Variants in MAST4 observed in about 807,000 individuals in gnomAD.
MAST4 encodes microtubule-associated serine/threonine-protein kinase 4.
MAST4 carries 89 observed loss-of-function variants against 162.7 expected under a neutral mutation model. The observed-to-expected ratio is 0.55, with a 90% CI of 0.46 to 0.65. The LOEUF (loss-of-function observed/expected upper bound fraction) is 0.65, where lower values mean the gene tolerates loss of function less well. MAST4 is among the 30% of genes least tolerant of loss of function. MAST4 has a pLI of 0.00. For missense variants in MAST4, 3,153 were observed against 3,374.0 expected, an observed-to-expected ratio of 0.93 and a Z score of 1.62; for synonymous variants, 1,479 against 1,361.1, an observed-to-expected ratio of 1.09 and a Z score of -1.91.
In MAST4 at chr5:67,003,131, T is replaced by G. The variant is rs115586841; in HGVS notation, c.675-51273T>G. The stretch of plus-strand genomic sequence containing the variant: ...TCTTTTGCAATACTTAGAAACATTT[T>G]TTAAAAGAAGAGCATGGGGCAAAAA... On this transcript the variant is annotated intron_variant, in intron 4 of 28. Transcript: ENST00000403625. Among the ~76,000 whole-genome samples the G allele has an allele frequency of 2.3e-3, 354 of 152,118 alleles. 2 individuals are homozygous for G. Among genetic ancestry groups the G allele is most frequent in the African/African-American group, 8.2e-3 (340 of 41,502 alleles).
chr5:67,033,048 G>A (rs1235854930), intron 4 of MAST4, among the ~76,000 whole-genome samples: 1 of 151,850 alleles, frequency 6.6e-6, no homozygotes, highest in East Asian at 1.9e-4. Context: ...AAGACTTTCA[G>A]ATTAAGAATG....
At chr5:66,959,342 C>A (rs775293940) in intron 4 of MAST4, 1 of 778,854 alleles carries the variant, frequency 1.3e-6, no homozygotes, top group Non-Finnish European at 2.4e-6. Flanking sequence ...GCATGGCACT[C>A]GCTTTCTGGC....
At chr5:66,838,699 A>G (rs1033532122) in intron 3 of MAST4, among the ~76,000 whole-genome samples, 2 of 152,320 alleles carry the variant, frequency 1.3e-5, no homozygotes, top group Non-Finnish European at 2.9e-5. Context: ...GTGAAGGATG[A>G]ACAGGTACTG....
intron 4 of MAST4, among the ~76,000 whole-genome samples, chr5:67,031,589 C>T (rs539679665): frequency 6.6e-6 from 1 of 152,254 alleles, no homozygotes; most frequent in East Asian, 1.9e-4. Context: ...AAGTTAAACA[C>T]TGAAAAACTG....
chr5:66,788,572 A>C, intron 2 of MAST4, 98 bp from the exon 3 acceptor site: 1 of 1,355,244 alleles, frequency 7.4e-7, no homozygotes, highest in Non-Finnish European at 1.0e-6. Flanking sequence ...ATACAGAACA[A>C]GGTTGGCCAG....
intron 1 of MAST4, among the ~76,000 whole-genome samples, chr5:66,615,512 G>A (rs1402311175): frequency 6.6e-6 from 1 of 152,132 alleles, no homozygotes; most frequent in Non-Finnish European, 1.5e-5. Flanking sequence ...ATCAGAATGA[G>A]TTTGATCTCA....
chr5:67,070,575 C>G (rs941289838), intron 5 of MAST4, among the ~76,000 whole-genome samples: 1 of 152,170 alleles, frequency 6.6e-6, no homozygotes, highest in African/African-American at 2.4e-5. Context: ...TGTTTGATAG[C>G]TAATCATGCA....
intron 3 of MAST4, among the ~76,000 whole-genome samples, chr5:66,874,375 G>A (rs72761282): frequency 3.9e-5 from 6 of 152,308 alleles, no homozygotes; most frequent in African/African-American, 1.2e-4. Flanking sequence ...AAGGGAACAC[G>A]AGAGTGTACA....
intron 4 of MAST4, among the ~76,000 whole-genome samples, chr5:66,931,791 G>A (rs1580920056): frequency 6.6e-6 from 1 of 152,130 alleles, no homozygotes. Context: ...ATAGCATCCA[G>A]TTTCCCCAGC....
rs1288262180 is a variant in MAST4 at position 67,100,511 on chromosome 5, A to G, written c.989A>G (p.Lys330Arg). 1 of 1,613,948 alleles carries G rather than the reference A, an allele frequency of 6.2e-7. No individual in the cohort carries two copies. Among genetic ancestry groups the G allele is most frequent in the Non-Finnish European group, 8.5e-7 (1 of 1,179,856 alleles). The change falls in exon 8 of 29, where the codon AAA becomes AGA. Residue 330 changes from lysine to arginine, a missense_variant. Lys to Arg is a conservative substitution (Grantham distance 26). Coordinates refer to ENST00000403625, the MANE Select transcript of MAST4 (RefSeq NM_001164664.2). ...PTPDELHFLS[K>R]HFCTTESIAT... ...CCAGACGAGTTACACTTCTTATCAAAACATTTCTGTACCACCGAAAGCATC... is the reference window on the plus strand; with the variant it reads ...CCAGACGAGTTACACTTCTTATCAAGACATTTCTGTACCACCGAAAGCATC...
intron 1 of MAST4, among the ~76,000 whole-genome samples, chr5:66,608,540 GTCTC>G (rs1441194559): frequency 7.9e-5 from 12 of 151,926 alleles, no homozygotes; most frequent in African/African-American, 2.2e-4. Flanking sequence ...TATTTGGTAT[GTCTC>G]TGTCAGTATC....
chr5:66,839,190 A>G (rs766258788), intron 3 of MAST4, among the ~76,000 whole-genome samples: 1 of 152,134 alleles, frequency 6.6e-6, no homozygotes, highest in African/African-American at 2.4e-5. Flanking sequence ...TAGGGATTAG[A>G]AACAAGAGCA....
intron 3 of MAST4, among the ~76,000 whole-genome samples, chr5:66,804,982 T>C (rs762130079): frequency 2.0e-5 from 3 of 152,198 alleles, no homozygotes; most frequent in Non-Finnish European, 4.4e-5. Flanking sequence ...TCTCTCACTT[T>C]GTTAGTTTTT....
intron 4 of MAST4, among the ~76,000 whole-genome samples, chr5:67,046,110 G>T (rs1341374001): frequency 6.6e-6 from 1 of 152,046 alleles, no homozygotes; most frequent in African/African-American, 2.4e-5. Context: ...GTAGCCTGGG[G>T]TCCATAGACT....
At chr5:67,017,605 C>CTTTTT (rs34059850) in intron 4 of MAST4, among the ~76,000 whole-genome samples, 4 of 135,028 alleles carry the variant, frequency 3.0e-5, no homozygotes, top group Non-Finnish European at 3.2e-5. Context: ...TTTTTCTTTT[C>CTTTTT]TTTTTTTTTT....
At position 66,632,027 on chromosome 5, in the gene MAST4, T is replaced by G. The variant is rs566068690; in HGVS notation, c.363+35009T>G. 7.9e-5 allele frequency among the ~76,000 whole-genome samples: 12 copies of G among 152,254 alleles called. No individual in the cohort carries two copies. In the South Asian group the frequency reaches 2.5e-3, roughly 32 times the overall value. ...GTTCTATTCATCAGTTGATTTTGAG[T>G]TTTTATTACAGTGATATGCTTAAAA... On this transcript the variant is annotated intron_variant, in intron 1 of 28. Coordinates refer to ENST00000403625, the MANE Select transcript of MAST4 (RefSeq NM_001164664.2).
At chr5:66,930,674 T>A in intron 4 of MAST4, 1 of 469,820 alleles carries the variant, frequency 2.1e-6, no homozygotes. Flanking sequence ...TTTGACATGC[T>A]TTCAGGAATG....
At chr5:67,037,143 C>G (rs894886645) in intron 4 of MAST4, among the ~76,000 whole-genome samples, 1 of 152,038 alleles carries the variant, frequency 6.6e-6, no homozygotes, top group Non-Finnish European at 1.5e-5. Context: ...GCTTGTAATC[C>G]CAGCACTTTG....
chr5:67,113,080 A>G (rs947368274), intron 11 of MAST4, among the ~76,000 whole-genome samples: 2 of 152,090 alleles, frequency 1.3e-5, no homozygotes, highest in Non-Finnish European at 2.9e-5. Flanking sequence ...TTGGGAGGCC[A>G]AGGTGGGTGG....
Sources: gnomAD v4.1 joint callset for allele counts (sites outside exome capture counted in the v4.1 genomes callset) on GRCh38, gnomAD v4.1.1 for gene constraint, MANE v1.5 for transcripts, NCBI Gene and HGNC (gene_info 2026-07-23, HGNC 2026-07-21) for gene names.